The following USP25 variants were observed in gnomAD, a reference collection of about 807,000 sequenced individuals.
USP25 encodes ubiquitin carboxyl-terminal hydrolase 25.
Under a neutral mutation model 158.5 loss-of-function variants are expected in USP25, and 85 were observed. The observed-to-expected ratio is 0.54, with a 90% confidence interval of 0.45 to 0.64. The LOEUF (loss-of-function observed/expected upper bound fraction) is 0.64, where lower values mean the gene tolerates loss of function less well. Among genes scored for constraint, USP25 ranks in the 30% least tolerant of loss-of-function variants. The pLI is 0.00. For synonymous variants in USP25, 464 were observed against 460.4 expected, an observed-to-expected ratio of 1.01 and a Z score of -0.10; for missense variants, 1,242 against 1,327.3, an observed-to-expected ratio of 0.94 and a Z score of 1.00.
chr21:15,830,189 C>T (rs891378704), intron 14 of USP25, among the ~76,000 whole-genome samples: 1 of 151,974 alleles, frequency 6.6e-6, no homozygotes, highest in African/African-American at 2.4e-5. Flanking sequence ...TTACTTTGTT[C>T]TTAAGTTTAC....
At chr21:15,793,691 C>T (rs1040968423) in intron 5 of USP25, among the ~76,000 whole-genome samples, 1 of 151,250 alleles carries the variant, frequency 6.6e-6, no homozygotes, top group Non-Finnish European at 1.5e-5. Context: ...TTATAATGGC[C>T]TAATAAGATA....
intron 1 of USP25, among the ~76,000 whole-genome samples, chr21:15,741,766 C>T (rs913580822): frequency 6.6e-6 from 1 of 152,138 alleles, no homozygotes; most frequent in East Asian, 1.9e-4. Context: ...GTAGAACACT[C>T]CAGGACCAAG....
intron 18 of USP25, among the ~76,000 whole-genome samples, chr21:15,845,461 A>T (rs2038536543): frequency 6.6e-6 from 1 of 152,112 alleles, no homozygotes. Context: ...TTGGCAAATG[A>T]TACTACAGAA....
At chr21:15,828,454 A>G (rs1319817483) in intron 14 of USP25, among the ~76,000 whole-genome samples, 1 of 152,210 alleles carries the variant, frequency 6.6e-6, no homozygotes, top group Non-Finnish European at 1.5e-5. Flanking sequence ...CTTTGGAGAC[A>G]ACTGACAGAT....
intron 4 of USP25, among the ~76,000 whole-genome samples, chr21:15,778,336 A>G (rs888972358): frequency 6.6e-6 from 1 of 152,066 alleles, no homozygotes; most frequent in Non-Finnish European, 1.5e-5. Flanking sequence ...GCAACAATTT[A>G]TAGCAAGGGT....
At chr21:15,798,180 C>T (rs572906597) in intron 5 of USP25, among the ~76,000 whole-genome samples, 6 of 151,164 alleles carry the variant, frequency 4.0e-5, no homozygotes, top group Non-Finnish European at 8.9e-5. Context: ...TTTCTCTGTC[C>T]TTAATTTATT....
intron 22 of USP25, 32 bp downstream of exon 22, chr21:15,866,376 A>AATCCCTAAATCTGTAG: frequency 6.7e-7 from 1 of 1,486,690 alleles, no homozygotes. Context: ...TAAACTACAG[A>AATCCCTAAATCTGTAG]TTTAGGGATT....
In USP25 at chr21:15,805,117, A is replaced by G. The variant is rs767993535; in HGVS notation, c.643-4A>G. 3.8e-6 allele frequency: 6 copies of G among 1,574,530 alleles called. No individual in the cohort carries two copies. The highest frequency in any genetic ancestry group is 3.6e-5 in the South Asian group (3 of 83,712). ...TTTTTGTTTTTGTTTTTTTCCTTCA[A>G]TAGGAACATCGGAATTTGCCTTTTA... On this transcript the variant is annotated splice_polypyrimidine_tract_variant and splice_region_variant and intron_variant, in intron 6 of 25. Transcript: ENST00000400183.
chr21:15,874,845 A>G (rs1169458873), intron 24 of USP25, among the ~76,000 whole-genome samples: 2 of 152,188 alleles, frequency 1.3e-5, no homozygotes, highest in African/African-American at 4.8e-5. Context: ...TGCATAGATA[A>G]GCCTTAAAAA....
Position 15,827,305 on chromosome 21 carries a change from A to G in USP25, c.1693+102A>G, listed in dbSNP as rs953464489. On this transcript the variant is annotated intron_variant, in intron 14 of 25. Coordinates refer to ENST00000400183, the MANE Select transcript of USP25 (RefSeq NM_001283041.3). ...CGTCTGGATTTTATATTTAAATATT[A>G]TAGTCATTTTTCTTTTCCAGAAAGG... 2.3e-5 allele frequency: 23 copies of G among 1,013,262 alleles called. No individual in the cohort carries two copies. In the Admixed American group the frequency reaches 3.7e-4, roughly 16 times the overall value. The allele number at this position is 1,013,262 out of a possible 1,614,324, so 62.8% of individuals were successfully genotyped here.
rs1379683650 is a variant in USP25 at position 15,824,871 on chromosome 21, G to A, written c.1209-95G>A. 9.3e-6 allele frequency: 9 copies of A among 964,476 alleles called. No homozygotes were observed. The East Asian group carries it at 2.4e-4, about 26-fold the overall frequency. 59.7% of individuals were successfully genotyped at this position (964,476 alleles called of 1,614,324 possible). On this transcript the variant is annotated intron_variant, in intron 11 of 25. Coordinates refer to ENST00000400183, the MANE Select transcript of USP25 (RefSeq NM_001283041.3). ...CCTCAGGTGATCCTCCCGCCTTGGC[G>A]TCCCAGAGTGGTAGGCCGGGTACGC... is the stretch of plus-strand genomic sequence containing the variant.
Position 15,864,444 on chromosome 21 carries a change from A to G in USP25, c.2724A>G (p.Glu908=). The G allele has an allele frequency of 6.3e-7, 1 of 1,594,694 alleles. No homozygotes were observed. Among genetic ancestry groups the G allele is most frequent in the Middle Eastern group, 1.7e-4 (1 of 5,986 alleles). The change falls in exon 21 of 26, where the codon GAA becomes GAG. Residue 908 remains glutamate (E), a splice_region_variant and synonymous_variant. Coordinates refer to ENST00000400183, the MANE Select transcript of USP25 (RefSeq NM_001283041.3). ...QFGDRNLSFD[E]RCHNIMKVAQ... ...GAGATAGAAATTTGAGTTTTGATGAAAGGTAATTTGAAAGTATAAAATTCA... is the reference window on the plus strand; with the variant it reads ...GAGATAGAAATTTGAGTTTTGATGAGAGGTAATTTGAAAGTATAAAATTCA...
At chr21:15,822,437 G>C (rs941560045) in intron 10 of USP25, among the ~76,000 whole-genome samples, 1 of 151,848 alleles carries the variant, frequency 6.6e-6, no homozygotes. Context: ...ATATTTCCTG[G>C]ACTTTTCATG....
At chr21:15,821,882 C>T (rs367832907) in intron 10 of USP25, among the ~76,000 whole-genome samples, 1 of 151,880 alleles carries the variant, frequency 6.6e-6, no homozygotes, top group African/African-American at 2.4e-5. Flanking sequence ...ATGACATACT[C>T]TTTAGGAACT....
chr21:15,770,240 T>C (rs539669488), intron 3 of USP25, among the ~76,000 whole-genome samples: 22 of 152,272 alleles, frequency 1.4e-4, no homozygotes, highest in African/African-American at 3.6e-4. Flanking sequence ...ATTTCTAATA[T>C]GTAAAACGAT....
intron 9 of USP25, among the ~76,000 whole-genome samples, chr21:15,814,758 T>C (rs2146310185): frequency 6.6e-6 from 1 of 152,152 alleles, no homozygotes; most frequent in East Asian, 1.9e-4. Flanking sequence ...TTAAAAGCAT[T>C]CCATTTTGAA....
At chr21:15,824,860 C>T (rs1275451637) in intron 11 of USP25, 106 bp from the exon 12 acceptor site, 6 of 833,906 alleles carry the variant, frequency 7.2e-6, no homozygotes, top group Non-Finnish European at 1.2e-5. Context: ...AGGTGATCCT[C>T]CCGCCTTGGC....
At chr21:15,870,765 G>A (rs1214303154) in intron 23 of USP25, among the ~76,000 whole-genome samples, 1 of 152,108 alleles carries the variant, frequency 6.6e-6, no homozygotes, top group African/African-American at 2.4e-5. Flanking sequence ...TCAATGCAGT[G>A]TATATTGCAG....
intron 6 of USP25, among the ~76,000 whole-genome samples, chr21:15,800,159 A>G (rs2146251584): frequency 6.6e-6 from 1 of 151,416 alleles, no homozygotes; most frequent in South Asian, 2.1e-4. Context: ...GTTGTCTCCT[A>G]AAAAATTTTG....
Sources: gnomAD v4.1 joint callset for allele counts (sites outside exome capture counted in the v4.1 genomes callset) on GRCh38, gnomAD v4.1.1 for gene constraint, MANE v1.5 for transcripts, NCBI Gene and HGNC (gene_info 2026-07-23, HGNC 2026-07-21) for gene names.